The following LANCL1 variants were observed in gnomAD, a reference collection of about 807,000 sequenced individuals.
LANCL1 encodes glutathione S-transferase LANCL1.
In LANCL1, 50 loss-of-function variants were observed where a neutral mutation model predicts 50.6. The observed-to-expected ratio is 0.99, with a 90% CI of 0.79 to 1.25. The LOEUF (loss-of-function observed/expected upper bound fraction) is 1.25. LANCL1 is among the 50% of genes most tolerant of loss of function. The pLI, the probability that LANCL1 is intolerant of heterozygous loss-of-function variation, is 0.00. For synonymous variants in LANCL1, 188 were observed against 178.6 expected, an observed-to-expected ratio of 1.05 and a Z score of -0.42; for missense variants, 532 against 480.7, an observed-to-expected ratio of 1.11 and a Z score of -1.00.
intron 3 of LANCL1, chr2:210,468,001 A>G (rs192612845): frequency 1.3e-5 from 2 of 152,220 alleles, no homozygotes; most frequent in Non-Finnish European, 2.9e-5. Context: ...GAGAAAGCAG[A>G]AAAGAATGGC....
intron 4 of LANCL1, among the ~76,000 whole-genome samples, chr2:210,452,516 A>T (rs965545031): frequency 2.6e-5 from 4 of 152,190 alleles, no homozygotes; most frequent in Non-Finnish European, 2.9e-5. Flanking sequence ...AGCCATTTGT[A>T]GGACAATTTG....
At chr2:210,466,655 C>G (rs1323984466) in intron 3 of LANCL1, among the ~76,000 whole-genome samples, 2 of 152,128 alleles carry the variant, frequency 1.3e-5, no homozygotes, top group African/African-American at 4.8e-5. Flanking sequence ...AATAAAACAG[C>G]CTTTACTGAC....
chr2:210,441,514 C>T (rs1693134482), intron 4 of LANCL1, 71 bp from the exon 5 acceptor site: 1 of 1,330,758 alleles, frequency 7.5e-7, no homozygotes, highest in South Asian at 1.5e-5. Context: ...AAAAATGGTA[C>T]ATTGAAAAAA....
chr2:210,436,274 G>C lies in LANCL1; in HGVS notation c.992C>G (p.Ala331Gly), dbSNP rs996266175. 28 of 1,613,806 alleles carry C rather than the reference G, an allele frequency of 1.7e-5. No individual in the cohort carries two copies. Among genetic ancestry groups the C allele is most frequent in the Non-Finnish European group, 2.3e-5 (27 of 1,179,964 alleles). ...LCHGSAGNAY[A>G]FLTLYNLTQD... ...TGTGAGGTTGTAGAGTGTCAGGAAGGCATAGGCATTCCCTGCAGAACCGTG... is the reference window on the plus strand; with the variant it reads ...TGTGAGGTTGTAGAGTGTCAGGAAGCCATAGGCATTCCCTGCAGAACCGTG... The change falls in exon 8 of 10, where the codon GCC becomes GGC. Residue 331 changes from alanine (A) to glycine (G), a missense_variant. Physicochemically the swap from Ala to Gly is moderately conservative, Grantham distance 60 (BLOSUM62 0). Coordinates refer to ENST00000450366, the MANE Select transcript of LANCL1 (RefSeq NM_006055.3).
At chr2:210,436,065 C>T in intron 8 of LANCL1, 151 bp downstream of exon 8, 1 of 592,770 alleles carries the variant, frequency 1.7e-6, no homozygotes, top group Non-Finnish European at 2.9e-6. Flanking sequence ...CCACACCTGG[C>T]TAATTTTTTG....
At chr2:210,468,196 A>AC (rs1694125781) in intron 3 of LANCL1, 1 of 147,398 alleles carries the variant, frequency 6.8e-6, no homozygotes, top group Admixed American at 6.8e-5. Context: ...AAAAAAAAAA[A>AC]CACAAAACTT....
intron 2 of LANCL1, among the ~76,000 whole-genome samples, chr2:210,472,961 C>G (rs1166489155): frequency 6.6e-6 from 1 of 152,060 alleles, no homozygotes; most frequent in Non-Finnish European, 1.5e-5. Context: ...TTAGTACCAC[C>G]CATATGAAGG....
rs889518644 is a variant in LANCL1, at chr2:210,441,324, T to A, written c.527A>T (p.Gln176Leu). 1.9e-6 allele frequency: 3 copies of A among 1,612,826 alleles called. No individual in the cohort carries two copies. In the African/African-American group the frequency reaches 4.0e-5, roughly 22 times the overall value. ...ACGTGGTACCTGCTGAATATGGCTT[T>A]GAGGAATCTTTTCCACTCCAAAGTT... ...NKNFGVEKIPQSHIQQICETI... is the reference protein window; with the variant it reads ...NKNFGVEKIPLSHIQQICETI... The change falls in exon 5 of 10, where the codon CAA becomes CTA. Residue 176 changes from glutamine to leucine, a missense_variant. Coordinates refer to ENST00000450366, the MANE Select transcript of LANCL1 (RefSeq NM_006055.3).
intron 4 of LANCL1, among the ~76,000 whole-genome samples, chr2:210,446,879 G>A (rs1057256499): frequency 6.6e-6 from 1 of 152,100 alleles, no homozygotes; most frequent in East Asian, 1.9e-4. Flanking sequence ...TACATTTGCT[G>A]TACCTGAAAG....
In LANCL1 at chr2:210,455,315, C is replaced by T. The variant is rs1163914877; in HGVS notation, c.200-1G>A. On this transcript the variant is annotated splice_acceptor_variant, in intron 3 of 9. Coordinates refer to ENST00000450366, the MANE Select transcript of LANCL1 (RefSeq NM_006055.3). LOFTEE classifies it high-confidence loss of function. The stretch of plus-strand genomic sequence containing the variant: ...AGATGTAAGTAAAGCACAGCAATAC[C>T]TGAAAAAAAAAAAAGGAAACAATGT... 8.5e-7 allele frequency: 1 copy of T among 1,181,872 alleles called. No homozygotes were observed. Among genetic ancestry groups the T allele is most frequent in the South Asian group, 1.6e-5 (1 of 64,462 alleles). 73.2% of individuals were successfully genotyped at this position (1,181,872 alleles called of 1,614,324 possible).
chr2:210,437,805 T>G lies in LANCL1; in HGVS notation c.758A>C (p.Gln253Pro), dbSNP rs1692985929. Residue 253 changes from glutamine (Q) to proline (P), a missense_variant, in exon 7 of 10, where the codon CAG becomes CCG. Transcript: ENST00000450366. ...GTAATTGCCAGAAGGGAATTTCAGC[T>G]GGCAGACGTAGTCTACACTGGGCTT... ...LVKPSVDYVCQLKFPSGNYPP... is the reference protein window; with the variant it reads ...LVKPSVDYVCPLKFPSGNYPP... 2 of 1,613,574 alleles carry G rather than the reference T, an allele frequency of 1.2e-6. No homozygotes were observed. The highest frequency in any genetic ancestry group is 1.1e-5 in the South Asian group (1 of 91,050).
At chr2:210,476,171 A>G in intron 2 of LANCL1, 145 bp downstream of exon 2, 1 of 568,130 alleles carries the variant, frequency 1.8e-6, no homozygotes, top group Non-Finnish European at 3.2e-6. Flanking sequence ...ATATATTAAC[A>G]TGTATTTTTA....
At chr2:210,448,442 C>T (rs1370803833) in intron 4 of LANCL1, among the ~76,000 whole-genome samples, 1 of 152,028 alleles carries the variant, frequency 6.6e-6, no homozygotes, top group Non-Finnish European at 1.5e-5. Context: ...ATTAAAAGAA[C>T]TAGAGAAGCA....
chr2:210,472,508 T>TA (rs938988807), intron 2 of LANCL1, among the ~76,000 whole-genome samples: 5 of 151,820 alleles, frequency 3.3e-5, no homozygotes, highest in Non-Finnish European at 7.4e-5. Context: ...TGCTCTTATT[T>TA]AAAAAAAAGG....
At chr2:210,447,404 C>T (rs556976551) in intron 4 of LANCL1, among the ~76,000 whole-genome samples, 114 of 152,258 alleles carry the variant, frequency 7.5e-4, no homozygotes, top group African/African-American at 2.6e-3. Context: ...CAAAAACATA[C>T]CAAATTGTAA....
intron 6 of LANCL1, among the ~76,000 whole-genome samples, chr2:210,440,085 C>A (rs1559707290): frequency 6.6e-6 from 1 of 152,132 alleles, no homozygotes; most frequent in Admixed American, 6.5e-5. Flanking sequence ...TATTAGATCC[C>A]AAGAACTGTA....
At position 210,476,453 on chromosome 2, in the gene LANCL1, G is replaced by C. The variant is rs1694379272; in HGVS notation, c.-16-41C>G. On this transcript the variant is annotated intron_variant, in intron 1 of 9. Coordinates refer to ENST00000450366, the MANE Select transcript of LANCL1 (RefSeq NM_006055.3). ...AAAACAGAAACTAGGTTGAGATAGG[G>C]GCCTCGGCCGAGTTGCGAGGGCGGC... is the stretch of plus-strand genomic sequence containing the variant. 12 of 1,549,994 alleles carry C rather than the reference G, an allele frequency of 7.7e-6. No homozygotes were observed. In the South Asian group the frequency reaches 1.1e-4, roughly 14 times the overall value.
At chr2:210,475,424 T>G (rs1468369042) in intron 2 of LANCL1, among the ~76,000 whole-genome samples, 1 of 152,124 alleles carries the variant, frequency 6.6e-6, no homozygotes, top group Non-Finnish European at 1.5e-5. Context: ...TCGAATCTCC[T>G]AGGCTCCAGC....
chr2:210,434,488 C>T lies in LANCL1; in HGVS notation c.1199G>A (p.Ter400=). 6.2e-7 allele frequency: 1 copy of T among 1,612,296 alleles called. No homozygotes were observed. The highest frequency in any genetic ancestry group is 8.5e-7 in the Non-Finnish European group (1 of 1,178,882). ...AGTTGCAGGTGGCATGCTATCCTTT[C>T]AGAGTTCAAATGCAGGGAACCTGGC... ...TKARFPAFEL[*] The change falls in exon 10 of 10, where the codon TGA becomes TAA. Residue 400 remains the stop codon, a stop_retained_variant. Transcript: ENST00000450366.
Sources: gnomAD v4.1 joint callset for allele counts (sites outside exome capture counted in the v4.1 genomes callset) on GRCh38, gnomAD v4.1.1 for gene constraint, MANE v1.5 for transcripts, NCBI Gene and HGNC (gene_info 2026-07-23, HGNC 2026-07-21) for gene names.